Variants in ZNF462 observed in about 807,000 individuals in gnomAD.
The protein encoded by ZNF462 is zinc finger PBX1-interacting protein.
Under a neutral mutation model 201.9 loss-of-function variants are expected in ZNF462, and 10 were observed. That is an observed-to-expected ratio of 0.05 (90% CI 0.03 to 0.08). ZNF462 has a LOEUF of 0.08. Among genes scored for constraint, ZNF462 ranks in the 10% least tolerant of loss-of-function variants. The pLI is 1.00. For synonymous variants in ZNF462, 1,227 were observed against 1,193.3 expected (o/e 1.03, Z -0.58); for missense variants, 2,523 against 3,168.3 (o/e 0.80, Z 4.89).
At position 106,966,128 on chromosome 9, in the gene ZNF462, C is replaced by T. The variant is rs890828520; in HGVS notation, c.6428-5877C>T. On this transcript the variant is annotated intron_variant, in intron 7 of 12. Coordinates refer to ENST00000277225, the MANE Select transcript of ZNF462 (RefSeq NM_021224.6). This position sits in a 1 kb window ranked among gnomAD's most constrained non-coding sequence, Gnocchi z 4.4. The stretch of plus-strand genomic sequence containing the variant: ...GGCCCATGCTACCAACCATTAGTTG[C>T]TAAATAGTCTGCTTTTCAGAAGAAA... Among the ~76,000 whole-genome samples the T allele has an allele frequency of 3.9e-5, 6 of 152,064 alleles. No homozygotes were observed. In the East Asian group the frequency reaches 9.6e-4, roughly 24 times the overall value.
At position 106,872,692 on chromosome 9, in the gene ZNF462, G is replaced by A. The variant is rs1405930223; in HGVS notation, c.-31+9337G>A. Among the ~76,000 whole-genome samples, 1 of 152,032 alleles carries A rather than the reference G, an allele frequency of 6.6e-6. No homozygotes were observed. Among genetic ancestry groups the A allele is most frequent in the Non-Finnish European group, 1.5e-5 (1 of 68,012 alleles). ...AAAAGACCATTTTAATTTAAATATC[G>A]GAGTTCAGTTGCAAGAACTTCCCCC... On this transcript the variant is annotated intron_variant, in intron 1 of 12. Transcript: ENST00000277225. The surrounding 1 kb of genome is among the most constrained non-coding windows in gnomAD (Gnocchi z 4.5).
At position 107,011,337 on chromosome 9, in the gene ZNF462, G is replaced by T. The variant is rs1383861978; in HGVS notation, c.*307G>T. On this transcript the variant is annotated 3_prime_UTR_variant, in exon 13 of 13. Transcript: ENST00000277225. This position sits in a 1 kb window ranked among gnomAD's most constrained non-coding sequence, Gnocchi z 5.6. Reference sequence around the variant, plus strand: ...CCAATGGTACGGTGCACCCTGTGGTGGTCTTGGACAGTATGTGGAAACAGA... The same window carrying T: ...CCAATGGTACGGTGCACCCTGTGGTTGTCTTGGACAGTATGTGGAAACAGA... The T allele has an allele frequency of 3.6e-6, 1 of 278,084 alleles. No individual in the cohort carries two copies. The allele number at this position is 278,084 out of a possible 1,614,324, so 17.2% of individuals were successfully genotyped here.
chr9:106,864,109 T>TCTCTCTCCCC, intron 1 of ZNF462, among the ~76,000 whole-genome samples: 1 of 115,382 alleles, frequency 8.7e-6, no homozygotes, highest in African/African-American at 3.7e-5. Context: ...TCTCTCTCTC[T>TCTCTCTCCCC]CCCTCTCCCC....
chr9:106,918,065 CAG>C (rs1829849357), intron 1 of ZNF462, among the ~76,000 whole-genome samples: 1 of 151,710 alleles, frequency 6.6e-6, no homozygotes, highest in Non-Finnish European at 1.5e-5. Context: ...TTAGTAGAAA[CAG>C]GGTTTCACCA....
chr9:106,967,404 T>G (rs1307050238), intron 7 of ZNF462, among the ~76,000 whole-genome samples: 3 of 151,904 alleles, frequency 2.0e-5, no homozygotes, highest in Non-Finnish European at 2.9e-5. Flanking sequence ...CTTTATAAAG[T>G]CAAATTTCTT....
Position 106,905,515 on chromosome 9 carries a change from TA to T in ZNF462, c.-30-17838del, listed in dbSNP as rs963438091. On this transcript the variant is annotated intron_variant, in intron 1 of 12. Transcript: ENST00000277225. This position sits in a 1 kb window ranked among gnomAD's most constrained non-coding sequence, Gnocchi z 5.9. ...TTATATGCCCTTTGTCTTCCACTACTAGGGTGGGTAGGGAAGGACCATCAGG... is the reference window on the plus strand; with the variant it reads ...TTATATGCCCTTTGTCTTCCACTACTGGGTGGGTAGGGAAGGACCATCAGG... 2.6e-5 allele frequency among the ~76,000 whole-genome samples: 4 copies of T among 152,072 alleles called. No individual in the cohort carries two copies. The highest frequency in any genetic ancestry group is 9.7e-5 in the African/African-American group (4 of 41,408).
chr9:106,979,892 G>A (rs1012512314), intron 9 of ZNF462, among the ~76,000 whole-genome samples: 1 of 152,076 alleles, frequency 6.6e-6, no homozygotes, highest in African/African-American at 2.4e-5. Context: ...GTCTTTAATT[G>A]GCATATTAAC....
At chr9:106,980,528 G>A (rs1049518448) in intron 9 of ZNF462, among the ~76,000 whole-genome samples, 7 of 152,172 alleles carry the variant, frequency 4.6e-5, no homozygotes, top group Non-Finnish European at 8.8e-5. Context: ...TTGAGCAGAA[G>A]TGAACCCTCT....
chr9:106,927,145 T>G lies in ZNF462; in HGVS notation c.3233T>G (p.Leu1078Arg). Residue 1078 changes from leucine (L) to arginine (R), a missense_variant, in exon 3 of 13, where the codon CTT becomes CGT. Coordinates refer to ENST00000277225, the MANE Select transcript of ZNF462 (RefSeq NM_021224.6). Reference protein sequence around the residue: ...RMVSVDRGSALSQLSFEVGAP... With the variant: ...RMVSVDRGSARSQLSFEVGAP... Reference sequence around the variant, plus strand: ...GTGTCTGTGGACAGGGGCTCTGCCCTTTCTCAATTATCATTTGAGGTGGGT... The same window carrying G: ...GTGTCTGTGGACAGGGGCTCTGCCCGTTCTCAATTATCATTTGAGGTGGGT... 6.2e-7 allele frequency: 1 copy of G among 1,614,152 alleles called. No homozygotes were observed. The highest frequency in any genetic ancestry group is 8.5e-7 in the Non-Finnish European group (1 of 1,180,028).
rs1827278666 is a variant in ZNF462, at chr9:106,865,205, A to C, written c.-31+1850A>C. ...TTTCCATTTTAAAGTAAACTTTTGGAATTTTTTTTCTCCTTTTGAGTGGAC... is the reference window on the plus strand; with the variant it reads ...TTTCCATTTTAAAGTAAACTTTTGGCATTTTTTTTCTCCTTTTGAGTGGAC... On this transcript the variant is annotated intron_variant, in intron 1 of 12. Coordinates refer to ENST00000277225, the MANE Select transcript of ZNF462 (RefSeq NM_021224.6). The surrounding 1 kb of genome is among the most constrained non-coding windows in gnomAD (Gnocchi z 4.1). 6.6e-6 allele frequency among the ~76,000 whole-genome samples: 1 copy of C among 152,090 alleles called. No homozygotes were observed. The highest frequency in any genetic ancestry group is 2.1e-4 in the South Asian group (1 of 4,828).
intron 1 of ZNF462, among the ~76,000 whole-genome samples, chr9:106,904,717 C>T (rs923745148): frequency 6.6e-6 from 1 of 152,148 alleles, no homozygotes; most frequent in African/African-American, 2.4e-5. Context: ...TGAGACTTTA[C>T]AGAGCATTTT....
intron 1 of ZNF462, among the ~76,000 whole-genome samples, chr9:106,869,036 C>T (rs1195990043): frequency 6.6e-6 from 1 of 152,198 alleles, no homozygotes; most frequent in Non-Finnish European, 1.5e-5. Flanking sequence ...CTGCTCTCAT[C>T]TCTCATTCCA....
rs903419843 is a variant in ZNF462 at position 107,012,226 on chromosome 9, C to T, written c.*1196C>T. The stretch of plus-strand genomic sequence containing the variant: ...CCTTTTGTTGCCTGTCAAATTCACG[C>T]ATTATCCGTCTCATAAATAATTTCT... On this transcript the variant is annotated 3_prime_UTR_variant, in exon 13 of 13. Transcript: ENST00000277225. 6.7e-6 allele frequency: 1 copy of T among 149,486 alleles called. No individual in the cohort carries two copies. Among genetic ancestry groups the T allele is most frequent in the Non-Finnish European group, 1.5e-5 (1 of 67,694 alleles). The allele number at this position is 149,486 out of a possible 1,614,324, so 9.3% of individuals were successfully genotyped here.
rs1294758935 is a variant in ZNF462 at position 106,972,359 on chromosome 9, T to G, written c.6695+87T>G. On this transcript the variant is annotated intron_variant, in intron 8 of 12. Coordinates refer to ENST00000277225, the MANE Select transcript of ZNF462 (RefSeq NM_021224.6). This position sits in a 1 kb window ranked among gnomAD's most constrained non-coding sequence, Gnocchi z 4.8. ...GCAGGCTTCCCTTACACTTTCCTAC[T>G]TGGAGCTTATGGGAGGCCCTGCCCA... 16 of 1,524,732 alleles carry G rather than the reference T, an allele frequency of 1.0e-5. No individual in the cohort carries two copies. The highest frequency in any genetic ancestry group is 1.4e-5 in the Non-Finnish European group (16 of 1,134,646). The allele number at this position is 1,524,732 out of a possible 1,614,324, so 94.5% of individuals were successfully genotyped here.
rs1327940891 is a variant in ZNF462, at chr9:107,012,164, A to G, written c.*1134A>G. The G allele has an allele frequency of 4.6e-5, 6 of 129,080 alleles. No homozygotes were observed. Among genetic ancestry groups the G allele is most frequent in the African/African-American group, 8.7e-5 (3 of 34,330 alleles). The allele number at this position is 129,080 out of a possible 1,614,324, so 8.0% of individuals were successfully genotyped here. On this transcript the variant is annotated 3_prime_UTR_variant, in exon 13 of 13. Transcript: ENST00000277225. ...AAAGAACCAAACTTTCGGCACAGCT[A>G]TGCAGCTTGTGGGCCAGACGAGGAG...
intron 1 of ZNF462, among the ~76,000 whole-genome samples, chr9:106,906,446 A>G (rs756644665): frequency 2.6e-5 from 4 of 152,154 alleles, no homozygotes; most frequent in Non-Finnish European, 5.9e-5. Flanking sequence ...CTTTAAAGGT[A>G]TGGGTAGAGC....
At chr9:106,995,820 T>A (rs911671546) in intron 10 of ZNF462, 3 of 152,170 alleles carry the variant, frequency 2.0e-5, no homozygotes, top group African/African-American at 2.4e-5. Context: ...TGGCAATTTT[T>A]TTATTATTAT....
chr9:107,002,477 T>G (rs1471796303), intron 10 of ZNF462, among the ~76,000 whole-genome samples: 3 of 152,194 alleles, frequency 2.0e-5, no homozygotes, highest in East Asian at 1.9e-4. Flanking sequence ...GAAGGTAAAT[T>G]TTGTGCTGCC....
intron 1 of ZNF462, among the ~76,000 whole-genome samples, chr9:106,914,934 G>A (rs993650017): frequency 4.6e-5 from 7 of 151,982 alleles, no homozygotes; most frequent in African/African-American, 1.7e-4. Flanking sequence ...ATATGCCTCT[G>A]AATAATAAAA....
Sources: gnomAD v4.1 joint callset for allele counts (sites outside exome capture counted in the v4.1 genomes callset) on GRCh38, gnomAD v4.1.1 for gene constraint, Gnocchi (gnomAD v3.1) non-coding constraint, MANE v1.5 for transcripts, NCBI Gene and HGNC (gene_info 2026-07-23, HGNC 2026-07-21) for gene names.